STPG2: variants seen among roughly 807,000 people sequenced by gnomAD.
The protein encoded by STPG2 is sperm tail PG-rich repeat containing 2.
STPG2 carries 56 observed loss-of-function variants against 54.2 expected under a neutral mutation model. The observed-to-expected ratio is 1.03, with a 90% CI of 0.83 to 1.29. The LOEUF is 1.29. Among genes scored for constraint, STPG2 ranks in the 50% most tolerant of loss-of-function variants. STPG2 has a pLI of 0.00. For synonymous variants in STPG2, 200 were observed against 181.8 expected (o/e 1.10, Z -0.81); for missense variants, 596 against 544.9 (o/e 1.09, Z -0.93).
chr4:97,829,639 C>T (rs770415038), intron 9 of STPG2, among the ~76,000 whole-genome samples: 37 of 151,998 alleles, frequency 2.4e-4, no homozygotes, highest in African/African-American at 6.0e-4. Context: ...GAAGGTGAGA[C>T]GAATTGTTAA....
At chr4:97,910,529 T>C (rs1731637570) in intron 8 of STPG2, among the ~76,000 whole-genome samples, 2 of 152,122 alleles carry the variant, frequency 1.3e-5, no homozygotes, top group African/African-American at 4.8e-5. Context: ...AAGCACCAAA[T>C]TGACATCTGA....
intron 4 of STPG2, among the ~76,000 whole-genome samples, chr4:97,455,902 G>A (rs1729504649): frequency 6.6e-6 from 1 of 152,164 alleles, no homozygotes; most frequent in Non-Finnish European, 1.5e-5. Context: ...CCTCCCAGAG[G>A]TTTGAGCAGT....
intron 10 of STPG2, among the ~76,000 whole-genome samples, chr4:97,590,142 A>G (rs1733099735): frequency 6.6e-6 from 1 of 152,172 alleles, no homozygotes; most frequent in South Asian, 2.1e-4. Context: ...TAAAAATACA[A>G]TAAATACATA....
chr4:97,531,016 T>C (rs1731402075), intron 4 of STPG2, among the ~76,000 whole-genome samples: 1 of 152,190 alleles, frequency 6.6e-6, no homozygotes, highest in Non-Finnish European at 1.5e-5. Flanking sequence ...AGGAAAATTT[T>C]ATAATCTGAT....
At chr4:97,686,669 A>C (rs957903522) in intron 10 of STPG2, among the ~76,000 whole-genome samples, 1 of 152,116 alleles carries the variant, frequency 6.6e-6, no homozygotes, top group Non-Finnish European at 1.5e-5. Context: ...CAATGTTAAA[A>C]TTATTTGTTC....
chr4:97,453,727 A>T (rs1170188180), intron 4 of STPG2, among the ~76,000 whole-genome samples: 1 of 152,212 alleles, frequency 6.6e-6, no homozygotes, highest in Non-Finnish European at 1.5e-5. Context: ...ATGAGGAATT[A>T]GTGTGGTATC....
At chr4:97,661,800 A>G (rs1722383205) in intron 10 of STPG2, among the ~76,000 whole-genome samples, 1 of 152,138 alleles carries the variant, frequency 6.6e-6, no homozygotes, top group Non-Finnish European at 1.5e-5. Flanking sequence ...TCCCAATCCA[A>G]TGCTACTTTT....
intron 10 of STPG2, among the ~76,000 whole-genome samples, chr4:97,666,169 A>G (rs1722518368): frequency 6.6e-6 from 1 of 152,154 alleles, no homozygotes; most frequent in South Asian, 2.1e-4. Flanking sequence ...CAGGGAGCAT[A>G]AGATTCCAAC....
chr4:97,446,321 G>C (rs1729220788), intron 4 of STPG2, among the ~76,000 whole-genome samples: 1 of 152,174 alleles, frequency 6.6e-6, no homozygotes, highest in Admixed American at 6.5e-5. Flanking sequence ...CTTATCTCTA[G>C]AGGAACACAG....
chr4:97,952,808 T>G (rs1733523582), intron 7 of STPG2, among the ~76,000 whole-genome samples: 1 of 152,194 alleles, frequency 6.6e-6, no homozygotes, highest in Non-Finnish European at 1.5e-5. Flanking sequence ...TTAGCCAGGT[T>G]GGTAGCCAGA....
intron 4 of STPG2, among the ~76,000 whole-genome samples, chr4:97,528,640 G>C (rs1180808134): frequency 2.0e-5 from 3 of 152,128 alleles, no homozygotes; most frequent in Non-Finnish European, 4.4e-5. Context: ...AGCATGGAAT[G>C]TTTTGCCATT....
intron 3 of STPG2, among the ~76,000 whole-genome samples, chr4:98,118,974 T>C (rs1445944375): frequency 6.6e-6 from 1 of 152,122 alleles, no homozygotes; most frequent in Non-Finnish European, 1.5e-5. Context: ...CTCTTCTTTA[T>C]AGTAAAATGC....
chr4:98,073,637 G>C (rs2009811), intron 5 of STPG2, among the ~76,000 whole-genome samples: 60,125 of 151,928 alleles, frequency 0.4, 12,138 homozygotes, highest in Middle Eastern at 0.46. Context: ...TGAGACAGGA[G>C]AATTGCTTGA....
intron 5 of STPG2, among the ~76,000 whole-genome samples, chr4:98,054,599 C>A (rs1415320940): frequency 2.0e-5 from 3 of 152,006 alleles, no homozygotes; most frequent in African/African-American, 7.2e-5. Context: ...TTAATAAATT[C>A]TACATTTACT....
At chr4:97,744,701 C>T (rs1038134224) in intron 9 of STPG2, among the ~76,000 whole-genome samples, 2 of 151,156 alleles carry the variant, frequency 1.3e-5, no homozygotes, top group Non-Finnish European at 3.0e-5. Flanking sequence ...AAATTAACAA[C>T]AATAACTAAT....
chr4:97,840,200 C>G (rs1248114918), intron 9 of STPG2, among the ~76,000 whole-genome samples: 1 of 151,414 alleles, frequency 6.6e-6, no homozygotes, highest in African/African-American at 2.4e-5. Context: ...TTCTGTACAA[C>G]TGCCTTGATG....
intron 5 of STPG2, among the ~76,000 whole-genome samples, chr4:98,045,476 C>T (rs1040563703): frequency 2.0e-5 from 3 of 152,100 alleles, no homozygotes; most frequent in Non-Finnish European, 2.9e-5. Flanking sequence ...ATAGAATAAA[C>T]TTAACACCAA....
At chr4:97,616,445 C>T (rs189248157) in intron 10 of STPG2, among the ~76,000 whole-genome samples, 1 of 151,926 alleles carries the variant, frequency 6.6e-6, no homozygotes, top group Non-Finnish European at 1.5e-5. Flanking sequence ...TAACTATTCA[C>T]AACAGATTTT....
chr4:97,894,819 GC>G (rs1730898915), intron 8 of STPG2, among the ~76,000 whole-genome samples: 1 of 151,950 alleles, frequency 6.6e-6, no homozygotes, highest in Admixed American at 6.6e-5. Flanking sequence ...TCAGCCTAAG[GC>G]TAGCGAGCAA....
Sources: allele counts gnomAD v4.1 joint callset (sites outside exome capture counted in the v4.1 genomes callset), GRCh38; gene constraint gnomAD v4.1.1; transcripts MANE v1.5; gene names NCBI Gene and HGNC (gene_info 2026-07-23, HGNC 2026-07-21).